Variants in DNAJC1 observed in about 807,000 individuals in gnomAD.
DNAJC1 encodes DnaJ heat shock protein family (Hsp40) member C1, also known as dnaJ homolog subfamily C member 1.
In DNAJC1, 58 loss-of-function variants were observed where a neutral mutation model predicts 76.6. The ratio of observed to expected loss-of-function variants is 0.76; its 90% CI spans 0.61 to 0.94. The LOEUF is 0.94. Ranked by LOEUF, DNAJC1 falls within the 40% of genes least tolerant of loss-of-function variation. DNAJC1 has a pLI of 0.00. For synonymous variants in DNAJC1, 258 were observed against 267.9 expected, an observed-to-expected ratio of 0.96 and a Z score of 0.36; for missense variants, 689 against 677.3, an observed-to-expected ratio of 1.02 and a Z score of -0.19.
intron 6 of DNAJC1, among the ~76,000 whole-genome samples, chr10:21,909,189 A>G (rs1037498736): frequency 6.6e-5 from 10 of 152,142 alleles, no homozygotes; most frequent in Non-Finnish European, 4.4e-5. Context: ...CCCCTGGCCA[A>G]TATTTAAGAT....
At chr10:21,787,122 G>A (rs2131631810) in intron 9 of DNAJC1, among the ~76,000 whole-genome samples, 1 of 152,244 alleles carries the variant, frequency 6.6e-6, no homozygotes, top group South Asian at 2.1e-4. Context: ...GAGGTCAGGA[G>A]TTTGAGACCA....
At chr10:21,879,943 C>G (rs1017495857) in intron 8 of DNAJC1, among the ~76,000 whole-genome samples, 1 of 152,194 alleles carries the variant, frequency 6.6e-6, no homozygotes, top group Non-Finnish European at 1.5e-5. Context: ...AAATATTTCT[C>G]TGTAGCATGT....
chr10:21,827,020 G>A (rs898242994), intron 8 of DNAJC1, among the ~76,000 whole-genome samples: 4 of 151,498 alleles, frequency 2.6e-5, no homozygotes, highest in Non-Finnish European at 4.4e-5. Flanking sequence ...GGACTGCACC[G>A]AATATGATTG....
chr10:21,812,324 TG>T (rs1834980741), intron 8 of DNAJC1, among the ~76,000 whole-genome samples: 1 of 152,182 alleles, frequency 6.6e-6, no homozygotes, highest in South Asian at 2.1e-4. Context: ...CCCAAAGTGC[TG>T]GGATTACAGG....
intron 7 of DNAJC1, among the ~76,000 whole-genome samples, chr10:21,890,421 C>CAAAAA (rs1007952107): frequency 2.9e-4 from 15 of 52,594 alleles, no homozygotes; most frequent in African/African-American, 3.9e-4. Flanking sequence ...TCCCCCCCTA[C>CAAAAA]AAAAAAAAAA....
At chr10:21,862,784 AG>A (rs1236882592) in intron 8 of DNAJC1, among the ~76,000 whole-genome samples, 1 of 152,078 alleles carries the variant, frequency 6.6e-6, no homozygotes, top group Non-Finnish European at 1.5e-5. Context: ...ATTAACACTT[AG>A]AAAAAGAAGG....
intron 9 of DNAJC1, among the ~76,000 whole-genome samples, chr10:21,775,217 G>A (rs1834438839): frequency 6.6e-6 from 1 of 151,282 alleles, no homozygotes; most frequent in Non-Finnish European, 1.5e-5. Flanking sequence ...TAGCAGCAAA[G>A]CACAGTCGAT....
At chr10:21,881,814 A>T (rs1464240631) in intron 8 of DNAJC1, among the ~76,000 whole-genome samples, 1 of 149,672 alleles carries the variant, frequency 6.7e-6, no homozygotes, top group Non-Finnish European at 1.5e-5. Flanking sequence ...AAACTTGCTC[A>T]ATTCAGGGCT....
At chr10:21,866,134 C>CAAAAAAAAAAAAAAAAAAAAA (rs1306930222) in intron 8 of DNAJC1, among the ~76,000 whole-genome samples, 1 of 34,032 alleles carries the variant, frequency 2.9e-5, no homozygotes. Flanking sequence ...GACTTCAACT[C>CAAAAAAAAAAAAAAAAAAAAA]AAAAAAAAAA....
chr10:21,969,744 AG>A (rs1159997126), intron 1 of DNAJC1, among the ~76,000 whole-genome samples: 1 of 152,206 alleles, frequency 6.6e-6, no homozygotes, highest in Non-Finnish European at 1.5e-5. Context: ...TATGAATAGC[AG>A]GAACAGTGAT....
chr10:21,963,151 T>C (rs1837828330), intron 1 of DNAJC1, among the ~76,000 whole-genome samples: 1 of 152,190 alleles, frequency 6.6e-6, no homozygotes, highest in Admixed American at 6.5e-5. Context: ...GTCAATTTAA[T>C]CAAATACACT....
chr10:21,845,779 G>A (rs1835648464), intron 8 of DNAJC1, among the ~76,000 whole-genome samples: 1 of 151,846 alleles, frequency 6.6e-6, no homozygotes, highest in South Asian at 2.1e-4. Context: ...AAAACACTCT[G>A]GTAATCTGAT....
At chr10:21,930,614 A>G (rs1337772992) in intron 1 of DNAJC1, among the ~76,000 whole-genome samples, 1 of 152,152 alleles carries the variant, frequency 6.6e-6, no homozygotes, top group Non-Finnish European at 1.5e-5. Flanking sequence ...TATGTTACCC[A>G]GGGTGTGAGT....
intron 7 of DNAJC1, among the ~76,000 whole-genome samples, chr10:21,886,485 C>G (rs1836367752): frequency 6.6e-6 from 1 of 152,090 alleles, no homozygotes; most frequent in South Asian, 2.1e-4. Context: ...TCTATGAGGC[C>G]AGCATCATCC....
intron 8 of DNAJC1, among the ~76,000 whole-genome samples, chr10:21,809,749 C>T (rs1834935560): frequency 6.6e-6 from 1 of 151,942 alleles, no homozygotes; most frequent in South Asian, 2.1e-4. Flanking sequence ...TATAATTTTC[C>T]TTTCCTATTT....
intron 3 of DNAJC1, among the ~76,000 whole-genome samples, chr10:21,922,554 G>A (rs1837057764): frequency 6.6e-6 from 1 of 151,842 alleles, no homozygotes; most frequent in Non-Finnish European, 1.5e-5. Context: ...AATGTTTATC[G>A]AAATTCTTGA....
Position 21,825,688 on chromosome 10 carries a change from CT to C in DNAJC1, c.979-19590del, listed in dbSNP as rs555857981. On this transcript the variant is annotated intron_variant, in intron 8 of 11. Transcript: ENST00000376980. ...CAATTTTCTCCATGCCTTCACATTT[CT>C]TTTTTTCTGTTGTTATTGTTATAGC... is the stretch of plus-strand genomic sequence containing the variant. Among the ~76,000 whole-genome samples, 337 of 152,260 alleles carry C rather than the reference CT, an allele frequency of 2.2e-3. 3 individuals are homozygous for C. Among genetic ancestry groups the C allele is most frequent in the African/African-American group, 7.7e-3 (321 of 41,562 alleles).
intron 1 of DNAJC1, among the ~76,000 whole-genome samples, chr10:21,991,280 T>A (rs1348102623): frequency 6.6e-6 from 1 of 152,136 alleles, no homozygotes; most frequent in Non-Finnish European, 1.5e-5. Flanking sequence ...AATATACTGT[T>A]AATAAATAAC....
At chr10:21,785,034 A>G (rs1486318255) in intron 9 of DNAJC1, among the ~76,000 whole-genome samples, 2 of 152,234 alleles carry the variant, frequency 1.3e-5, no homozygotes, top group African/African-American at 4.8e-5. Context: ...CATGTACCCT[A>G]GAACTTAAAA....
Sources: gnomAD v4.1 joint callset for allele counts (sites outside exome capture counted in the v4.1 genomes callset) on GRCh38, gnomAD v4.1.1 for gene constraint, MANE v1.5 for transcripts, NCBI Gene and HGNC (gene_info 2026-07-23, HGNC 2026-07-21) for gene names.